The following VAC14 variants were observed in gnomAD, a reference collection of about 807,000 sequenced individuals.
The protein encoded by VAC14 is VAC14 component of PIKFYVE complex.
In VAC14, 47 loss-of-function variants were observed where a neutral mutation model predicts 85.3. The ratio of observed to expected loss-of-function variants is 0.55; its 90% confidence interval spans 0.44 to 0.70. VAC14 has a LOEUF of 0.70. Among genes scored for constraint, VAC14 ranks in the 30% least tolerant of loss-of-function variants. The probability of loss-of-function intolerance (pLI) is 0.00; values close to 1 mark genes in which losing one functional copy is unlikely to be tolerated. For missense variants in VAC14, 861 were observed against 1,004.3 expected (o/e 0.86, Z 1.93); for synonymous variants, 447 against 430.5 (o/e 1.04, Z -0.47).
chr16:70,698,622 CCGGA>C lies in VAC14; in HGVS notation c.1836+11_1836+14del. 1 of 1,613,754 alleles carries C rather than the reference CCGGA, an allele frequency of 6.2e-7. No homozygotes were observed. The highest frequency in any genetic ancestry group is 1.1e-5 in the South Asian group (1 of 91,046). On this transcript the variant is annotated intron_variant, in intron 15 of 18. Transcript: ENST00000261776. ...GCAGGAGACGCCTGAGGATGGAGTC[CCGGA>C]CGCAGCCTACCAGGGTCTTCAGGTC... is the stretch of plus-strand genomic sequence containing the variant.
chr16:70,770,132 C>A (rs995893428), intron 10 of VAC14: 5 of 152,376 alleles, frequency 3.3e-5, no homozygotes, highest in Non-Finnish European at 7.3e-5. Flanking sequence ...CCTGCTCCTC[C>A]TTCCAGCCCT....
At chr16:70,798,537 C>T (rs2034641313) in intron 1 of VAC14, among the ~76,000 whole-genome samples, 1 of 152,202 alleles carries the variant, frequency 6.6e-6, no homozygotes, top group Non-Finnish European at 1.5e-5. Context: ...TATCTCTAAG[C>T]AATTTGTGAA....
chr16:70,737,980 C>T (rs16970470), intron 13 of VAC14, among the ~76,000 whole-genome samples: 3,139 of 152,296 alleles, frequency 0.021, 92 homozygotes, highest in African/African-American at 0.07. Flanking sequence ...GATCTGCTGC[C>T]TGGAGGATAC....
intron 10 of VAC14, among the ~76,000 whole-genome samples, chr16:70,765,804 C>T (rs1166626778): frequency 6.6e-6 from 1 of 152,010 alleles, no homozygotes; most frequent in East Asian, 1.9e-4. Context: ...TCCAGGTGTC[C>T]GTGGAAGGAG....
chr16:70,692,363 G>C (rs983318525), intron 18 of VAC14, among the ~76,000 whole-genome samples: 4 of 152,040 alleles, frequency 2.6e-5, no homozygotes, highest in Non-Finnish European at 5.9e-5. Context: ...ACCCAGGGTT[G>C]AGCCTCTGCC....
chr16:70,790,454 C>T (rs1239181956), intron 1 of VAC14, among the ~76,000 whole-genome samples: 4 of 152,120 alleles, frequency 2.6e-5, no homozygotes, highest in African/African-American at 4.8e-5. Context: ...CATTTAGCCC[C>T]GGTGGATGTG....
chr16:70,702,785 AT>A (rs2053855107), intron 14 of VAC14, among the ~76,000 whole-genome samples: 1 of 152,092 alleles, frequency 6.6e-6, no homozygotes, highest in South Asian at 2.1e-4. Context: ...AAGAGGGCCC[AT>A]TTTCCACTAC....
chr16:70,737,832 G>A (rs909571983), intron 13 of VAC14, among the ~76,000 whole-genome samples: 2 of 152,224 alleles, frequency 1.3e-5, no homozygotes, highest in African/African-American at 2.4e-5. Flanking sequence ...AGTACATAAC[G>A]CGAGTTACAG....
intron 10 of VAC14, chr16:70,769,058 C>T (rs1167902912): frequency 2.0e-5 from 5 of 245,896 alleles, no homozygotes; most frequent in Non-Finnish European, 4.0e-5. Context: ...TCAGGTGATC[C>T]ACCTGCCTTG....
At chr16:70,756,101 T>C (rs760407329) in intron 12 of VAC14, 18 of 456,564 alleles carry the variant, frequency 3.9e-5, no homozygotes, top group Non-Finnish European at 1.3e-5. Flanking sequence ...AGGGAGTACA[T>C]CTGTGGACCG....
intron 13 of VAC14, among the ~76,000 whole-genome samples, chr16:70,736,163 T>TGAGC (rs2054744729): frequency 6.6e-6 from 1 of 152,204 alleles, no homozygotes; most frequent in South Asian, 2.1e-4. Flanking sequence ...TAGGAAGCAC[T>TGAGC]GAGCATGGTG....
chr16:70,717,877 C>T (rs909647096), intron 14 of VAC14, among the ~76,000 whole-genome samples: 3 of 152,230 alleles, frequency 2.0e-5, no homozygotes, highest in Non-Finnish European at 4.4e-5. Flanking sequence ...TGGTCTTGCA[C>T]TCCTGGGCTC....
chr16:70,698,635 A>T lies in VAC14; in HGVS notation c.1836+2T>A. The T allele has an allele frequency of 6.2e-7, 1 of 1,614,050 alleles. No homozygotes were observed. Among genetic ancestry groups the T allele is most frequent in the Non-Finnish European group, 8.5e-7 (1 of 1,179,938 alleles). On this transcript the variant is annotated splice_donor_variant, in intron 15 of 18. Transcript: ENST00000261776. LOFTEE classifies it high-confidence loss of function. ...GAGGATGGAGTCCCGGACGCAGCCT[A>T]CCAGGGTCTTCAGGTCCTTCAGCTG...
intron 13 of VAC14, among the ~76,000 whole-genome samples, chr16:70,742,392 T>C (rs927598633): frequency 1.4e-4 from 22 of 152,148 alleles, no homozygotes; most frequent in Non-Finnish European, 2.6e-4. Context: ...CTACCCCCTT[T>C]GCTGGGCCCC....
intron 14 of VAC14, among the ~76,000 whole-genome samples, chr16:70,719,528 A>G (rs75293440): frequency 3.9e-5 from 6 of 152,222 alleles, no homozygotes; most frequent in Non-Finnish European, 8.8e-5. Context: ...CCACAAATCA[A>G]TAAGAAAAAC....
Position 70,748,807 on chromosome 16 carries a change from A to G in VAC14, c.1372-4228T>C, listed in dbSNP as rs7189559. On this transcript the variant is annotated intron_variant, in intron 12 of 18. Coordinates refer to ENST00000261776, the MANE Select transcript of VAC14 (RefSeq NM_018052.5). Reference sequence around the variant, plus strand: ...CCTAAAAATACAAAAATTAGTTGGTATGGTGCTGCGAATCTGTAATCCTAG... The same window carrying G: ...CCTAAAAATACAAAAATTAGTTGGTGTGGTGCTGCGAATCTGTAATCCTAG... Among the ~76,000 whole-genome samples the G allele has an allele frequency of 9.2e-3, 1,397 of 152,286 alleles. 10 individuals are homozygous for G. The highest frequency in any genetic ancestry group is 0.034 in the Middle Eastern group (10 of 294).
At chr16:70,798,408 C>T (rs2034636153) in intron 1 of VAC14, among the ~76,000 whole-genome samples, 1 of 152,176 alleles carries the variant, frequency 6.6e-6, no homozygotes. Flanking sequence ...GTCACTTTGA[C>T]CAGGCCAAAT....
chr16:70,735,186 C>T (rs982665728), intron 13 of VAC14, among the ~76,000 whole-genome samples: 2 of 152,046 alleles, frequency 1.3e-5, no homozygotes, highest in Non-Finnish European at 2.9e-5. Flanking sequence ...GGATGCAGAG[C>T]GGCCAACAGA....
At position 70,762,522 on chromosome 16, in the gene VAC14, G is replaced by A. The variant is rs192533605; in HGVS notation, c.1371+18C>T. 6.8e-6 allele frequency: 11 copies of A among 1,613,496 alleles called. No homozygotes were observed. The East Asian group carries it at 2.5e-4, about 36-fold the overall frequency. On this transcript the variant is annotated intron_variant, in intron 12 of 18. Transcript: ENST00000261776. The surrounding 1 kb of genome is among the most constrained non-coding windows in gnomAD (Gnocchi z 4.1). ...GGCAGCCGATGTTCCATAAGTACGGGTGGCGTTGGTGACCTACCTCATCCG... is the reference window on the plus strand; with the variant it reads ...GGCAGCCGATGTTCCATAAGTACGGATGGCGTTGGTGACCTACCTCATCCG...
Sources: gnomAD v4.1 joint callset for allele counts (sites outside exome capture counted in the v4.1 genomes callset) on GRCh38, gnomAD v4.1.1 for gene constraint, Gnocchi (gnomAD v3.1) non-coding constraint, MANE v1.5 for transcripts, NCBI Gene and HGNC (gene_info 2026-07-23, HGNC 2026-07-21) for gene names.